NTNG1: variants seen among roughly 807,000 people sequenced by gnomAD.
NTNG1 encodes the protein netrin G1.
Under a neutral mutation model 54.0 loss-of-function variants are expected in NTNG1, and 16 were observed. The observed-to-expected ratio is 0.30, with a 90% CI of 0.20 to 0.45. NTNG1 has a LOEUF of 0.45. Ranked by LOEUF, NTNG1 falls within the 20% of genes least tolerant of loss-of-function variation. The pLI, the probability that NTNG1 is intolerant of heterozygous loss-of-function variation, is 1.00. For synonymous variants in NTNG1, 255 were observed against 263.1 expected (o/e 0.97, Z 0.30); for missense variants, 530 against 678.7 (o/e 0.78, Z 2.43).
chr1:107,266,896 GC>G (rs1298951998), intron 2 of NTNG1, among the ~76,000 whole-genome samples: 1 of 152,134 alleles, frequency 6.6e-6, no homozygotes, highest in African/African-American at 2.4e-5. Context: ...AAAGTTTTAA[GC>G]TGTGGGTCTC....
At chr1:107,158,272 A>C (rs1331320320) in intron 2 of NTNG1, among the ~76,000 whole-genome samples, 1 of 152,154 alleles carries the variant, frequency 6.6e-6, no homozygotes, top group Non-Finnish European at 1.5e-5. Context: ...AAAATGATGA[A>C]ATTTGTTTCA....
intron 2 of NTNG1, among the ~76,000 whole-genome samples, chr1:107,283,744 T>C (rs551219917): frequency 1.2e-4 from 19 of 152,290 alleles, no homozygotes; most frequent in African/African-American, 4.3e-4. Flanking sequence ...ATACTTGTGC[T>C]GAAGAACCTA....
At chr1:107,302,039 CTT>C in intron 2 of NTNG1, among the ~76,000 whole-genome samples, 1 of 152,286 alleles carries the variant, frequency 6.6e-6, no homozygotes, top group East Asian at 1.9e-4. Context: ...TTTCCAACCT[CTT>C]TATATTACAA....
intron 2 of NTNG1, among the ~76,000 whole-genome samples, chr1:107,218,196 T>C (rs1182179807): frequency 1.3e-5 from 2 of 152,228 alleles, no homozygotes; most frequent in Non-Finnish European, 2.9e-5. Flanking sequence ...CTTTTATCAT[T>C]ATGTAATGTT....
intron 7 of NTNG1, among the ~76,000 whole-genome samples, chr1:107,454,755 G>T (rs1476401822): frequency 3.3e-5 from 5 of 152,260 alleles, no homozygotes; most frequent in African/African-American, 1.2e-4. Context: ...CATCATCATG[G>T]CAGGCTCTTC....
At chr1:107,209,538 C>T (rs1659458576) in intron 2 of NTNG1, among the ~76,000 whole-genome samples, 1 of 152,174 alleles carries the variant, frequency 6.6e-6, no homozygotes, top group Non-Finnish European at 1.5e-5. Flanking sequence ...AGTTATTCAT[C>T]ACCTTCTCTC....
chr1:107,445,739 C>T (rs1290893822), intron 7 of NTNG1, among the ~76,000 whole-genome samples: 1 of 152,044 alleles, frequency 6.6e-6, no homozygotes, highest in Admixed American at 6.6e-5. Context: ...CAATTTTAGG[C>T]TCTGTAGGCC....
chr1:107,456,486 G>C (rs949497579), intron 7 of NTNG1, among the ~76,000 whole-genome samples: 1 of 152,076 alleles, frequency 6.6e-6, no homozygotes, highest in Non-Finnish European at 1.5e-5. Flanking sequence ...AGTATTGGAG[G>C]ATTACTCCCA....
At chr1:107,266,710 G>T (rs890457426) in intron 2 of NTNG1, among the ~76,000 whole-genome samples, 1 of 151,158 alleles carries the variant, frequency 6.6e-6, no homozygotes, top group African/African-American at 2.4e-5. Flanking sequence ...CCTATTCATA[G>T]GAAGAGGAGA....
rs562332178 is a variant in NTNG1 at position 107,456,355 on chromosome 1, A to G, written c.1390+19556A>G. 3.4e-4 allele frequency among the ~76,000 whole-genome samples: 52 copies of G among 152,330 alleles called. 2 individuals carry two copies. The South Asian group carries it at 9.1e-3, about 27-fold the overall frequency. ...GCCCTTAGATGCTAAGAAGATGTCT[A>G]CATTCCTACTTTTAATCTTTTGAAG... On this transcript the variant is annotated intron_variant, in intron 7 of 7. Coordinates refer to ENST00000370068, the MANE Select transcript of NTNG1 (RefSeq NM_001113226.3).
At position 107,148,606 on chromosome 1, in the gene NTNG1, A is replaced by C. The variant is rs1180507114; in HGVS notation, c.13A>C (p.Arg5=). Residue 5 remains arginine (R), a synonymous_variant, in exon 2 of 8, where the codon AGA becomes CGA. Transcript: ENST00000370068. ...AAAGAATTTAGAGATGTATTTGTCA[A>C]GATTCCTGTCGATTCATGCCCTTTG... MYLS[R]FLSIHALWVT... is the part of the protein sequence containing the mutation. 2 of 1,613,262 alleles carry C rather than the reference A, an allele frequency of 1.2e-6. No individual in the cohort carries two copies. The highest frequency in any genetic ancestry group is 1.3e-5 in the African/African-American group (1 of 74,884).
In NTNG1 at chr1:107,481,078, T is replaced by C; in HGVS notation, c.*238T>C. The C allele has an allele frequency of 2.0e-6, 1 of 506,080 alleles. No individual in the cohort carries two copies. The highest frequency in any genetic ancestry group is 3.4e-5 in the Admixed American group (1 of 29,706). The allele number at this position is 506,080 out of a possible 1,614,324, so 31.3% of individuals were successfully genotyped here. ...CAGCTGTTGATATTATCACTGCAAA[T>C]CACATTGCCAGCTGCAGAGCATATT... is the stretch of plus-strand genomic sequence containing the variant. On this transcript the variant is annotated 3_prime_UTR_variant, in exon 8 of 8. Coordinates refer to ENST00000370068, the MANE Select transcript of NTNG1 (RefSeq NM_001113226.3).
rs148682656 is a variant in NTNG1 at position 107,349,019 on chromosome 1, A to G, written c.887+24097A>G. On this transcript the variant is annotated intron_variant, in intron 3 of 7. Coordinates refer to ENST00000370068, the MANE Select transcript of NTNG1 (RefSeq NM_001113226.3). ...ACCTCCTGATTCTAGTGCCCTCCAT[A>G]GTGAGCCCTTGCCTCTCTCTGACTT... Among the ~76,000 whole-genome samples the G allele has an allele frequency of 2.4e-3, 369 of 152,216 alleles. 5 individuals carry two copies. Among genetic ancestry groups the G allele is most frequent in the African/African-American group, 7.8e-3 (326 of 41,548 alleles).
At chr1:107,414,625 G>T (rs372632590) in intron 5 of NTNG1, among the ~76,000 whole-genome samples, 1 of 152,046 alleles carries the variant, frequency 6.6e-6, no homozygotes, top group Non-Finnish European at 1.5e-5. Flanking sequence ...GAAAAAAATA[G>T]GGGAAGACAT....
chr1:107,385,382 A>G (rs920456637), intron 3 of NTNG1, among the ~76,000 whole-genome samples: 79 of 152,294 alleles, frequency 5.2e-4, no homozygotes, highest in African/African-American at 1.8e-3. Flanking sequence ...GGTCTCTGCC[A>G]TAGTCCATGT....
intron 2 of NTNG1, among the ~76,000 whole-genome samples, chr1:107,207,507 A>G (rs1041878155): frequency 6.6e-6 from 1 of 152,214 alleles, no homozygotes. Context: ...TTTTAAAGGT[A>G]TCTTCATTCT....
chr1:107,247,200 G>T (rs115725325), intron 2 of NTNG1, among the ~76,000 whole-genome samples: 1 of 152,126 alleles, frequency 6.6e-6, no homozygotes, highest in Non-Finnish European at 1.5e-5. Context: ...GGGACTTGTC[G>T]CACCATTAAT....
intron 2 of NTNG1, among the ~76,000 whole-genome samples, chr1:107,259,564 A>AT (rs1210495794): frequency 3.9e-5 from 6 of 152,164 alleles, no homozygotes; most frequent in Non-Finnish European, 7.4e-5. Flanking sequence ...ATTAGAACTC[A>AT]TTTTTTAGGT....
intron 7 of NTNG1, among the ~76,000 whole-genome samples, chr1:107,453,701 T>TA (rs1676761848): frequency 1.3e-5 from 2 of 152,198 alleles, no homozygotes; most frequent in Non-Finnish European, 2.9e-5. Flanking sequence ...CTCTTACACA[T>TA]AAAAACTCTC....
Sources: gnomAD v4.1 joint callset for allele counts (sites outside exome capture counted in the v4.1 genomes callset) on GRCh38, gnomAD v4.1.1 for gene constraint, MANE v1.5 for transcripts, NCBI Gene and HGNC (gene_info 2026-07-23, HGNC 2026-07-21) for gene names.